The following GK variants were observed in gnomAD, a reference collection of about 807,000 sequenced individuals.
The protein encoded by GK is glycerol kinase, also known as ATP:glycerol 3-phosphotransferase.
Under a neutral mutation model 56.4 loss-of-function variants are expected in GK, and 9 were observed. The observed-to-expected ratio is 0.16, with a 90% CI of 0.10 to 0.28. GK has a LOEUF of 0.28. GK is among the 10% of genes least tolerant of loss of function. GK has a pLI of 1.00. For missense variants in GK, 161 were observed against 431.4 expected (o/e 0.37, Z 5.55); for synonymous variants, 104 against 144.1 (o/e 0.72, Z 1.99).
At chrX:30,697,848 T>G in intron 9 of GK, 99 bp downstream of exon 9, 1 of 621,322 alleles carries the variant, frequency 1.6e-6, no homozygotes, top group Non-Finnish European at 2.8e-6. Context: ...TTACTAAACA[T>G]ATATATCTAG....
In GK at chrX:30,676,621, T is replaced by C. The variant is rs182431701; in HGVS notation, c.260-754T>C. Among the ~76,000 whole-genome samples, 61 of 111,256 alleles carry C rather than the reference T, an allele frequency of 5.5e-4. No homozygotes were observed. In the East Asian group the frequency reaches 7.1e-3, roughly 13 times the overall value. Reference sequence around the variant, plus strand: ...GAATGTTTTGACCAGGGCTTGGTCATTGGTATTTTTTAAGAGCTCCTCAGT... The same window carrying C: ...GAATGTTTTGACCAGGGCTTGGTCACTGGTATTTTTTAAGAGCTCCTCAGT... On this transcript the variant is annotated intron_variant, in intron 3 of 20. Coordinates refer to ENST00000427190, the MANE Select transcript of GK (RefSeq NM_001205019.2).
intron 4 of GK, among the ~76,000 whole-genome samples, chrX:30,689,313 A>G (rs1934798690): frequency 8.9e-6 from 1 of 112,361 alleles, no homozygotes; most frequent in African/African-American, 3.2e-5. Context: ...CCACTGTGTA[A>G]AAGTAGACTG....
At chrX:30,689,578 A>G (rs1261456810) in intron 4 of GK, 1 of 329,108 alleles carries the variant, frequency 3.0e-6, no homozygotes, top group African/African-American at 2.7e-5. Context: ...GATGTGGCAT[A>G]TTCAACTCCC....
intron 1 of GK, among the ~76,000 whole-genome samples, chrX:30,656,659 C>T (rs1391123176): frequency 9.0e-6 from 1 of 111,353 alleles, no homozygotes; most frequent in Non-Finnish European, 1.9e-5. Flanking sequence ...ATTACCTTCC[C>T]CCTTGTATTA....
chrX:30,674,398 A>C (rs1179249408), intron 3 of GK: 3 of 327,312 alleles, frequency 9.2e-6, no homozygotes, highest in African/African-American at 8.0e-5. Flanking sequence ...TCTCCTGCCA[A>C]CTTTCCTTCA....
intron 4 of GK, among the ~76,000 whole-genome samples, chrX:30,679,456 G>A (rs989063883): frequency 3.6e-5 from 4 of 111,145 alleles, no homozygotes; most frequent in African/African-American, 1.3e-4. Context: ...GACCTCAGGT[G>A]ATCTGCCCAC....
At chrX:30,700,276 A>G in intron 9 of GK, 138 bp from the exon 10 acceptor site, 1 of 457,784 alleles carries the variant, frequency 2.2e-6, no homozygotes, top group East Asian at 3.8e-5. Context: ...TTTATCATTC[A>G]TTTAGTTGAA....
At chrX:30,704,149 T>TATA (rs1429695034) in intron 11 of GK, among the ~76,000 whole-genome samples, 3 of 96,713 alleles carry the variant, frequency 3.1e-5, no homozygotes, top group African/African-American at 8.6e-5. Flanking sequence ...TATATATATA[T>TATA]GAGATAGGGT....
intron 18 of GK, among the ~76,000 whole-genome samples, chrX:30,721,376 C>A (rs981930903): frequency 9.2e-6 from 1 of 108,163 alleles, no homozygotes; most frequent in African/African-American, 3.4e-5. Flanking sequence ...ACTGCAAGCT[C>A]CGCCTCCCGG....
chrX:30,660,000 C>T (rs1231193255), intron 1 of GK, among the ~76,000 whole-genome samples: 2 of 111,850 alleles, frequency 1.8e-5, no homozygotes, highest in African/African-American at 3.3e-5. Context: ...CCACCCACCT[C>T]GGCCTTCCAA....
At chrX:30,665,849 T>G (rs1279078128) in intron 2 of GK, among the ~76,000 whole-genome samples, 1 of 112,164 alleles carries the variant, frequency 8.9e-6, no homozygotes, top group Non-Finnish European at 1.9e-5. Context: ...TCACATTAAC[T>G]TTGAAGTCAT....
At chrX:30,722,564 C>T (rs780412011) in intron 18 of GK, among the ~76,000 whole-genome samples, 7 of 111,798 alleles carry the variant, frequency 6.3e-5, no homozygotes, top group African/African-American at 2.3e-4. Context: ...CACTCCTCCC[C>T]ATAAACGAAT....
At chrX:30,716,840 G>A (rs73208242) in intron 13 of GK, among the ~76,000 whole-genome samples, 29 of 112,011 alleles carry the variant, frequency 2.6e-4, no homozygotes, top group Non-Finnish European at 4.7e-4. Context: ...TTCTTGAATT[G>A]TTTTTGTCCC....
At chrX:30,699,932 G>A (rs1264619181) in intron 9 of GK, 1 of 115,131 alleles carries the variant, frequency 8.7e-6, no homozygotes, top group Non-Finnish European at 1.8e-5. Flanking sequence ...AGAGCAGCTT[G>A]AGTAGAAAGA....
intron 19 of GK, among the ~76,000 whole-genome samples, chrX:30,725,321 T>A (rs1435402687): frequency 8.9e-6 from 1 of 112,145 alleles, no homozygotes; most frequent in Non-Finnish European, 1.9e-5. Flanking sequence ...GTATTTTCAG[T>A]CCCGGATGTT....
intron 1 of GK, 57 bp downstream of exon 1, chrX:30,653,672 GA>G: frequency 9.8e-7 from 1 of 1,017,495 alleles, no homozygotes; most frequent in Non-Finnish European, 1.4e-6. Flanking sequence ...TCGGGGGACG[GA>G]GGGGGTGGCT....
intron 11 of GK, among the ~76,000 whole-genome samples, chrX:30,702,192 G>A (rs1003508354): frequency 9.1e-6 from 1 of 110,339 alleles, no homozygotes; most frequent in African/African-American, 3.3e-5. Context: ...ATAGGCATGC[G>A]CCACCACGCC....
chrX:30,681,610 A>G (rs1226835766), intron 4 of GK, among the ~76,000 whole-genome samples: 2 of 112,065 alleles, frequency 1.8e-5, no homozygotes, highest in Middle Eastern at 4.6e-3. Flanking sequence ...TGTAGATTCA[A>G]TAAGCACTAT....
chrX:30,690,826 A>G (rs959390908), intron 4 of GK, among the ~76,000 whole-genome samples: 7 of 111,732 alleles, frequency 6.3e-5, no homozygotes, highest in Non-Finnish European at 1.3e-4. Context: ...CTATATTCCA[A>G]ATATTTTTTG....
Sources: allele counts gnomAD v4.1 joint callset (sites outside exome capture counted in the v4.1 genomes callset), GRCh38; gene constraint gnomAD v4.1.1; transcripts MANE v1.5; gene names NCBI Gene and HGNC (gene_info 2026-07-23, HGNC 2026-07-21).